Variants in PCDHGA1 observed in about 807,000 individuals in gnomAD.
PCDHGA1 encodes protocadherin gamma subfamily A, 1.
Under a neutral mutation model 58.0 loss-of-function variants are expected in PCDHGA1, and 32 were observed. The ratio of observed to expected loss-of-function variants is 0.55; its 90% CI spans 0.42 to 0.74. The LOEUF is 0.74. PCDHGA1 is among the 30% of genes least tolerant of loss of function. PCDHGA1 has a pLI of 0.00. For synonymous variants in PCDHGA1, 498 were observed against 501.1 expected, an observed-to-expected ratio of 0.99 and a Z score of 0.08; for missense variants, 1,205 against 1,182.3, an observed-to-expected ratio of 1.02 and a Z score of -0.28.
chr5:141,506,577 A>G (rs2099855057), intron 3 of PCDHGA1, among the ~76,000 whole-genome samples: 1 of 152,162 alleles, frequency 6.6e-6, no homozygotes, highest in South Asian at 2.1e-4. Flanking sequence ...TTCACTTACT[A>G]TTAATGGGCA....
intron 1 of PCDHGA1, among the ~76,000 whole-genome samples, chr5:141,425,402 A>C (rs1288785443): frequency 6.6e-6 from 1 of 152,222 alleles, no homozygotes; most frequent in Non-Finnish European, 1.5e-5. Flanking sequence ...AAGTTCTGTT[A>C]AGGTATAACA....
chr5:141,344,150 A>G (rs1561487249), intron 1 of PCDHGA1: 1 of 1,614,042 alleles, frequency 6.2e-7, no homozygotes, highest in Non-Finnish European at 8.5e-7. Flanking sequence ...CTGAGGAGCT[A>G]GATAAAGGTT....
At position 141,487,249 on chromosome 5, in the gene PCDHGA1, C is replaced by T. The variant is rs757148469; in HGVS notation, c.2422-7558C>T. ...AAGGAGAATCTCGTCTAACCCTCTACTTGGCTGTGTCCCTAGTGGCAATTT... is the reference window on the plus strand; with the variant it reads ...AAGGAGAATCTCGTCTAACCCTCTATTTGGCTGTGTCCCTAGTGGCAATTT... On this transcript the variant is annotated intron_variant, in intron 1 of 3. Coordinates refer to ENST00000517417, the MANE Select transcript of PCDHGA1 (RefSeq NM_018912.3). The surrounding 1 kb of genome is among the most constrained non-coding windows in gnomAD (Gnocchi z 5.0). 2.5e-6 allele frequency: 4 copies of T among 1,614,164 alleles called. No homozygotes were observed. In the South Asian group the frequency reaches 4.4e-5, roughly 18 times the overall value.
At chr5:141,405,582 C>T in intron 1 of PCDHGA1, 3 of 589,180 alleles carry the variant, frequency 5.1e-6, no homozygotes, top group African/African-American at 1.9e-5. Context: ...GTAGCTGGGA[C>T]TACAGGCCTC....
chr5:141,367,460 C>A (rs1765144116), intron 1 of PCDHGA1: 1 of 152,002 alleles, frequency 6.6e-6, no homozygotes, highest in African/African-American at 2.4e-5. Flanking sequence ...TGGGGTGAAC[C>A]CGGGAGGAGG....
At chr5:141,348,698 G>A (rs945739744) in intron 1 of PCDHGA1, among the ~76,000 whole-genome samples, 1 of 152,050 alleles carries the variant, frequency 6.6e-6, no homozygotes, top group African/African-American at 2.4e-5. Context: ...TGAAGAATGG[G>A]CAAGAATCCA....
chr5:141,409,714 C>T (rs1053132512), intron 1 of PCDHGA1: 1 of 1,613,226 alleles, frequency 6.2e-7, no homozygotes, highest in Non-Finnish European at 8.5e-7. Flanking sequence ...TGTCGTCATA[C>T]GTGTCAGTGA....
intron 2 of PCDHGA1, among the ~76,000 whole-genome samples, chr5:141,499,940 G>A (rs1158937971): frequency 4.0e-5 from 6 of 151,722 alleles, no homozygotes; most frequent in Non-Finnish European, 8.8e-5. Flanking sequence ...CACCCTCCTC[G>A]GCCTCCCAAA....
chr5:141,394,778 C>A (rs377451053), intron 1 of PCDHGA1: 82 of 1,613,634 alleles, frequency 5.1e-5, no homozygotes, highest in Admixed American at 3.7e-4. Context: ...CCCCTCTCTC[C>A]GCCACTGTCA....
rs762413220 is a variant in PCDHGA1 at position 141,403,196 on chromosome 5, G to T, written c.2421+70091G>T. 1.9e-6 allele frequency: 3 copies of T among 1,613,986 alleles called. No individual in the cohort carries two copies. The South Asian group carries it at 3.3e-5, about 18-fold the overall frequency. ...GCTTTTCTCTCTGAACCCGCGCAGC[G>T]GCACCTTGGTCACCGCGGGTAGGAT... is the stretch of plus-strand genomic sequence containing the variant. On this transcript the variant is annotated intron_variant, in intron 1 of 3. Transcript: ENST00000517417.
intron 1 of PCDHGA1, among the ~76,000 whole-genome samples, chr5:141,401,758 G>A (rs573644467): frequency 6.6e-6 from 1 of 152,234 alleles, no homozygotes; most frequent in East Asian, 1.9e-4. Flanking sequence ...CCCATTACAT[G>A]GTATAAGTCT....
At chr5:141,388,457 C>A in intron 1 of PCDHGA1, 1 of 1,613,814 alleles carries the variant, frequency 6.2e-7, no homozygotes, top group Non-Finnish European at 8.5e-7. Flanking sequence ...GCAGTAAATA[C>A]CCTGAGATGG....
intron 1 of PCDHGA1, chr5:141,352,481 G>C: frequency 6.2e-7 from 1 of 1,614,036 alleles, no homozygotes; most frequent in South Asian, 1.1e-5. Flanking sequence ...CAACCACAGC[G>C]AGGGGACTTT....
In PCDHGA1 at chr5:141,431,746, G is replaced by C. The variant is rs780453684; in HGVS notation, c.2422-63061G>C. 6.2e-7 allele frequency: 1 copy of C among 1,614,062 alleles called. No individual in the cohort carries two copies. Among genetic ancestry groups the C allele is most frequent in the African/African-American group, 1.3e-5 (1 of 74,932 alleles). On this transcript the variant is annotated intron_variant, in intron 1 of 3. Transcript: ENST00000517417. The surrounding 1 kb of genome is among the most constrained non-coding windows in gnomAD (Gnocchi z 4.8). ...CAATGGATAATGCAGGATATTCTGC[G>C]CGAGCCAAAGTCCTGATCACTGTTC... is the stretch of plus-strand genomic sequence containing the variant.
chr5:141,420,613 A>G (rs536307424), intron 1 of PCDHGA1, among the ~76,000 whole-genome samples: 53 of 152,194 alleles, frequency 3.5e-4, no homozygotes, highest in Non-Finnish European at 1.9e-4. Flanking sequence ...CAAGTATTTC[A>G]TCTTCATTTA....
chr5:141,476,367 G>C lies in PCDHGA1; in HGVS notation c.2422-18440G>C, dbSNP rs754652710. ...TTCTTTGAGGTGAACCGGGAGACCG[G>C]AGAGATGTTTGTGAACGACCGTCTG... On this transcript the variant is annotated intron_variant, in intron 1 of 3. Transcript: ENST00000517417. This position sits in a 1 kb window ranked among gnomAD's most constrained non-coding sequence, Gnocchi z 7.6. 6.2e-7 allele frequency: 1 copy of C among 1,614,172 alleles called. No homozygotes were observed. Among genetic ancestry groups the C allele is most frequent in the Non-Finnish European group, 8.5e-7 (1 of 1,180,036 alleles).
chr5:141,490,985 C>T lies in PCDHGA1; in HGVS notation c.2422-3822C>T. On this transcript the variant is annotated intron_variant, in intron 1 of 3. Transcript: ENST00000517417. This position sits in a 1 kb window ranked among gnomAD's most constrained non-coding sequence, Gnocchi z 5.4. ...TCAGCCCCCCAGCGTCTCCCTCGCT[C>T]TGCTCCTCCTGGCTCCTTGGTCACC... The T allele has an allele frequency of 1.9e-6, 3 of 1,614,128 alleles. No individual in the cohort carries two copies. The highest frequency in any genetic ancestry group is 2.5e-6 in the Non-Finnish European group (3 of 1,180,032).
At chr5:141,370,526 C>G in intron 1 of PCDHGA1, 1 of 1,613,860 alleles carries the variant, frequency 6.2e-7, no homozygotes, top group Non-Finnish European at 8.5e-7. Flanking sequence ...TGGACAGGGG[C>G]TCGCTGGTAG....
chr5:141,421,395 G>A (rs2096569109), intron 1 of PCDHGA1: 1 of 1,613,950 alleles, frequency 6.2e-7, no homozygotes, highest in Admixed American at 1.7e-5. Flanking sequence ...TGGGGCTGGA[G>A]CCCCGGGAGC....
Sources: allele counts gnomAD v4.1 joint callset (sites outside exome capture counted in the v4.1 genomes callset), GRCh38; gene constraint gnomAD v4.1.1; non-coding constraint Gnocchi (gnomAD v3.1); transcripts MANE v1.5; gene names NCBI Gene and HGNC (gene_info 2026-07-23, HGNC 2026-07-21).